The following FHIT variants were observed in gnomAD, a reference collection of about 807,000 sequenced individuals.
The protein encoded by FHIT is fragile histidine triad diadenosine triphosphatase, also known as bis(5'-adenosyl)-triphosphatase.
In FHIT, 19 loss-of-function variants were observed where a neutral mutation model predicts 17.9. The ratio of observed to expected loss-of-function variants is 1.06; its 90% confidence interval spans 0.74 to 1.56. FHIT has a LOEUF of 1.56. Ranked by LOEUF, FHIT falls within the 40% of genes most tolerant of loss-of-function variation. The pLI is 0.00. For missense variants in FHIT, 248 were observed against 189.2 expected (o/e 1.31, Z -1.82); for synonymous variants, 81 against 69.7 (o/e 1.16, Z -0.81).
chr3:60,303,259 C>T (rs1004140260), intron 5 of FHIT, among the ~76,000 whole-genome samples: 1 of 152,140 alleles, frequency 6.6e-6, no homozygotes, highest in African/African-American at 2.4e-5. Flanking sequence ...ATCCAAATTC[C>T]TATTGTCATA....
chr3:60,714,130 T>C (rs2041615994), intron 4 of FHIT, among the ~76,000 whole-genome samples: 1 of 152,188 alleles, frequency 6.6e-6, no homozygotes, highest in Non-Finnish European at 1.5e-5. Flanking sequence ...TGGTTCAATA[T>C]ACGCAAATCA....
At chr3:59,922,436 A>G (rs759335776) in intron 7 of FHIT, 22 bp from the exon 8 acceptor site, 25 of 1,599,446 alleles carry the variant, frequency 1.6e-5, no homozygotes, top group Non-Finnish European at 2.1e-5. Context: ...CAAGAAAGAA[A>G]AAAAATGTGA....
At chr3:60,076,481 G>A (rs2107009817) in intron 5 of FHIT, among the ~76,000 whole-genome samples, 1 of 148,890 alleles carries the variant, frequency 6.7e-6, no homozygotes, top group East Asian at 1.9e-4. Flanking sequence ...AAGCCACACT[G>A]TGGGGTAATA....
At chr3:59,881,957 G>GA (rs1383031646) in intron 8 of FHIT, among the ~76,000 whole-genome samples, 1 of 152,064 alleles carries the variant, frequency 6.6e-6, no homozygotes, top group Admixed American at 6.6e-5. Context: ...TGGGACAGGA[G>GA]AAAAAAATTT....
At chr3:61,127,357 A>G (rs1172497238) in intron 2 of FHIT, among the ~76,000 whole-genome samples, 1 of 152,212 alleles carries the variant, frequency 6.6e-6, no homozygotes, top group African/African-American at 2.4e-5. Context: ...AACTCACAGG[A>G]GGAATTTTAT....
At chr3:60,345,066 A>C (rs1445266631) in intron 5 of FHIT, among the ~76,000 whole-genome samples, 1 of 152,236 alleles carries the variant, frequency 6.6e-6, no homozygotes, top group Non-Finnish European at 1.5e-5. Context: ...GCTTTATTTA[A>C]GATTAGGAAC....
chr3:60,759,986 TC>T (rs1344819708), intron 4 of FHIT, among the ~76,000 whole-genome samples: 5 of 152,048 alleles, frequency 3.3e-5, no homozygotes, highest in African/African-American at 1.2e-4. Context: ...TTCTTTTCTT[TC>T]TTCCTTCCTT....
At chr3:60,739,506 C>T (rs1553713474) in intron 4 of FHIT, among the ~76,000 whole-genome samples, 1 of 152,208 alleles carries the variant, frequency 6.6e-6, no homozygotes, top group African/African-American at 2.4e-5. Context: ...CTGTCGCATG[C>T]CCCATGAGTG....
chr3:60,032,302 A>G (rs1405377272), intron 5 of FHIT, among the ~76,000 whole-genome samples: 1 of 152,088 alleles, frequency 6.6e-6, no homozygotes, highest in Non-Finnish European at 1.5e-5. Flanking sequence ...TCTAAAAAAA[A>G]TTAGCTGGGC....
chr3:60,890,216 T>C (rs1292836813), intron 3 of FHIT, among the ~76,000 whole-genome samples: 7 of 65,124 alleles, frequency 1.1e-4, no homozygotes, highest in African/African-American at 3.6e-4. Context: ...TTAGCTTCCA[T>C]GATGTAAAAA....
At chr3:60,412,579 C>A (rs1179028420) in intron 5 of FHIT, among the ~76,000 whole-genome samples, 1 of 152,026 alleles carries the variant, frequency 6.6e-6, no homozygotes, top group African/African-American at 2.4e-5. Context: ...CGAAGAAAAG[C>A]CAGGTACTCT....
chr3:60,510,771 ATTAAAT>A (rs1352648163), intron 5 of FHIT, among the ~76,000 whole-genome samples: 2 of 152,184 alleles, frequency 1.3e-5, no homozygotes, highest in Non-Finnish European at 2.9e-5. Context: ...AATCCAAAAT[ATTAAAT>A]TTAAATTTAA....
At chr3:60,066,768 T>C (rs1402299700) in intron 5 of FHIT, among the ~76,000 whole-genome samples, 1 of 148,624 alleles carries the variant, frequency 6.7e-6, no homozygotes, top group Non-Finnish European at 1.5e-5. Flanking sequence ...GCCATTCTCC[T>C]GCCTCAGCCT....
At chr3:60,318,709 G>A (rs1349126639) in intron 5 of FHIT, among the ~76,000 whole-genome samples, 1 of 152,132 alleles carries the variant, frequency 6.6e-6, no homozygotes, top group Admixed American at 6.5e-5. Flanking sequence ...AAAAGTTTCT[G>A]ACTCTCTGCA....
At chr3:60,065,995 G>A (rs1193763139) in intron 5 of FHIT, among the ~76,000 whole-genome samples, 2 of 152,126 alleles carry the variant, frequency 1.3e-5, no homozygotes, top group African/African-American at 4.8e-5. Flanking sequence ...CCTCCAGGAG[G>A]TCTTCTTGTT....
chr3:60,063,633 G>A (rs1318735117), intron 5 of FHIT, among the ~76,000 whole-genome samples: 1 of 152,214 alleles, frequency 6.6e-6, no homozygotes. Context: ...CTGTCTGGTT[G>A]TTGAGAGAGA....
At chr3:61,168,189 A>G (rs2037896939) in intron 2 of FHIT, among the ~76,000 whole-genome samples, 1 of 152,330 alleles carries the variant, frequency 6.6e-6, no homozygotes, top group Admixed American at 6.5e-5. Flanking sequence ...ATTGGTACAC[A>G]GCCACATTTA....
At chr3:60,006,038 C>A (rs1472544068) in intron 7 of FHIT, among the ~76,000 whole-genome samples, 8 of 152,122 alleles carry the variant, frequency 5.3e-5, no homozygotes, top group Admixed American at 5.2e-4. Flanking sequence ...ATCAGAACTA[C>A]CGAGTCAGCA....
intron 4 of FHIT, among the ~76,000 whole-genome samples, chr3:60,747,911 A>T (rs1298956552): frequency 1.3e-5 from 2 of 152,238 alleles, no homozygotes; most frequent in East Asian, 1.9e-4. Context: ...TCCCAGGTAG[A>T]GTAAAAACAG....
Sources: gnomAD v4.1 joint callset for allele counts (sites outside exome capture counted in the v4.1 genomes callset) on GRCh38, gnomAD v4.1.1 for gene constraint, MANE v1.5 for transcripts, NCBI Gene and HGNC (gene_info 2026-07-23, HGNC 2026-07-21) for gene names.